The following HHIPL1 variants were observed in gnomAD, a reference collection of about 807,000 sequenced individuals.
HHIPL1 encodes the protein HHIP like 1, also known as HHIP-like protein 1.
A neutral mutation model predicts 61.8 loss-of-function variants in HHIPL1; 43 were observed. That is an observed-to-expected ratio of 0.70 (90% CI 0.55 to 0.90). HHIPL1 has a LOEUF of 0.90. Among genes scored for constraint, HHIPL1 ranks in the 40% least tolerant of loss-of-function variants. The pLI is 0.00. For missense variants in HHIPL1, 1,056 were observed against 1,157.7 expected, an observed-to-expected ratio of 0.91 and a Z score of 1.28; for synonymous variants, 482 against 515.8, an observed-to-expected ratio of 0.93 and a Z score of 0.89.
chr14:99,631,058 T>TTCTTTCTC, the HHIPL1 span, among the ~76,000 whole-genome samples: 1 of 105,336 alleles, frequency 9.5e-6, no homozygotes, highest in East Asian at 2.6e-4. Context: ...TTTTCTTTCT[T>TTCTTTCTC]TCTTTCTTTC....
intron 5 of HHIPL1, among the ~76,000 whole-genome samples, chr14:99,661,817 G>A (rs932220866): frequency 2.6e-5 from 4 of 152,142 alleles, no homozygotes; most frequent in Non-Finnish European, 4.4e-5. Context: ...GCCGAATAGG[G>A]TTCCTAAGGA....
At chr14:99,632,464 A>T in the HHIPL1 span, among the ~76,000 whole-genome samples, 2 of 152,138 alleles carry the variant, frequency 1.3e-5, no homozygotes, top group Admixed American at 1.3e-4. Context: ...TCCGCTGAGA[A>T]CATCCAGTCC....
chr14:99,661,983 C>T (rs1471694438), intron 5 of HHIPL1, among the ~76,000 whole-genome samples: 2 of 152,168 alleles, frequency 1.3e-5, no homozygotes, highest in Non-Finnish European at 2.9e-5. Context: ...CCAGCTTTCC[C>T]ATCTGGAAAA....
At chr14:99,657,718 T>C (rs12897285) in intron 3 of HHIPL1, among the ~76,000 whole-genome samples, 28,123 of 151,756 alleles carry the variant, frequency 0.19, 2,883 homozygotes, top group East Asian at 0.32. Context: ...TACACACACA[T>C]GTACACACAT....
chr14:99,615,650 A>AAG, the HHIPL1 span, among the ~76,000 whole-genome samples: 1 of 2,576 alleles, frequency 3.9e-4, no homozygotes, highest in African/African-American at 4.0e-4. Flanking sequence ...AAAGGAAGAG[A>AAG]GAGAGAGAAA....
the HHIPL1 span, among the ~76,000 whole-genome samples, chr14:99,621,905 C>T: frequency 1.3e-5 from 2 of 151,918 alleles, no homozygotes; most frequent in East Asian, 3.9e-4. Flanking sequence ...TTAGCAGAGA[C>T]TGGGTTTCAC....
Position 99,668,772 on chromosome 14 carries a change from A to C in HHIPL1, c.1730+469A>C. 1 of 1,594,950 alleles carries C rather than the reference A, an allele frequency of 6.3e-7. No homozygotes were observed. The highest frequency in any genetic ancestry group is 1.1e-5 in the South Asian group (1 of 90,596). ...CCCTTCCTCCTGTGGTCCATCTTCC[A>C]CTGGGGAAAACACATTGGGGCTCCC... On this transcript the variant is annotated intron_variant, in intron 7 of 8. Coordinates refer to ENST00000330710, the MANE Select transcript of HHIPL1 (RefSeq NM_001127258.3). The surrounding 1 kb of genome is among the most constrained non-coding windows in gnomAD (Gnocchi z 4.7).
rs1370899390 is a variant in HHIPL1, at chr14:99,668,212, C to G, written c.1649-10C>G. The G allele has an allele frequency of 2.5e-6, 4 of 1,583,554 alleles. No individual in the cohort carries two copies. In the South Asian group the frequency reaches 3.3e-5, roughly 13 times the overall value. Reference sequence around the variant, plus strand: ...TGGGGGTCTCACTAGTCACTTTGTTCTGTCCAAAGGGGAGCTGTACTTCAT... The same window carrying G: ...TGGGGGTCTCACTAGTCACTTTGTTGTGTCCAAAGGGGAGCTGTACTTCAT... On this transcript the variant is annotated splice_polypyrimidine_tract_variant and intron_variant, in intron 6 of 8. Transcript: ENST00000330710. This position sits in a 1 kb window ranked among gnomAD's most constrained non-coding sequence, Gnocchi z 4.7.
the HHIPL1 span, among the ~76,000 whole-genome samples, chr14:99,637,148 C>CAGAAAGAA: frequency 9.4e-4 from 83 of 88,054 alleles, no homozygotes; most frequent in East Asian, 3.3e-3. Context: ...GAAAGGGAGG[C>CAGAAAGAA]AGAAAGAAAG....
At chr14:99,629,950 G>T in the HHIPL1 span, among the ~76,000 whole-genome samples, 1 of 152,174 alleles carries the variant, frequency 6.6e-6, no homozygotes, top group African/African-American at 2.4e-5. Context: ...ACTGACAGGA[G>T]GCCGCTTGAC....
chr14:99,666,845 CA>C (rs2056253879), intron 6 of HHIPL1, among the ~76,000 whole-genome samples: 1 of 152,166 alleles, frequency 6.6e-6, no homozygotes, highest in African/African-American at 2.4e-5. Context: ...GTTGGGGGGT[CA>C]GGGGCCATTG....
chr14:99,672,412 C>T lies in HHIPL1; in HGVS notation c.1813+13C>T, dbSNP rs1703623993. 6.5e-7 allele frequency: 1 copy of T among 1,546,712 alleles called. No homozygotes were observed. The highest frequency in any genetic ancestry group is 1.4e-5 in the African/African-American group (1 of 73,044). ...GTGCCCAAAGAAAGTAAGTGCCTGC[C>T]AGTGGGACACTGAGGGTTGGGGGAG... On this transcript the variant is annotated intron_variant, in intron 8 of 8. Coordinates refer to ENST00000330710, the MANE Select transcript of HHIPL1 (RefSeq NM_001127258.3).
At chr14:99,627,897 A>G in the HHIPL1 span, among the ~76,000 whole-genome samples, 1 of 151,924 alleles carries the variant, frequency 6.6e-6, no homozygotes, top group African/African-American at 2.4e-5. This position sits in a 1 kb window ranked among gnomAD's most constrained non-coding sequence, Gnocchi z 4.4. Context: ...TGGGAGGAGA[A>G]GAAGGCAGGA....
At position 99,660,481 on chromosome 14, in the gene HHIPL1, G is replaced by T; in HGVS notation, c.1502+75G>T. On this transcript the variant is annotated intron_variant, in intron 5 of 8. Coordinates refer to ENST00000330710, the MANE Select transcript of HHIPL1 (RefSeq NM_001127258.3). The surrounding 1 kb of genome is among the most constrained non-coding windows in gnomAD (Gnocchi z 4.9). Reference sequence around the variant, plus strand: ...GGGACTGGCTCCTTGGTAAAGGGGAGTGTATGTGTGCGCCCGTTCCTGCAC... The same window carrying T: ...GGGACTGGCTCCTTGGTAAAGGGGATTGTATGTGTGCGCCCGTTCCTGCAC... 6.5e-7 allele frequency: 1 copy of T among 1,527,148 alleles called. No individual in the cohort carries two copies. The allele number at this position is 1,527,148 out of a possible 1,614,324, so 94.6% of individuals were successfully genotyped here. A position where few individuals can be genotyped will look rare whatever the true frequency, so the allele number is the denominator to read the frequency against.
At chr14:99,607,606 G>T in the HHIPL1 span, among the ~76,000 whole-genome samples, 2 of 152,118 alleles carry the variant, frequency 1.3e-5, no homozygotes, top group African/African-American at 4.8e-5. Context: ...GGCCTGTGGG[G>T]GGAGTACTGG....
rs556479709 is a variant in HHIPL1 at position 99,675,437 on chromosome 14, C to T, written c.2160C>T (p.Tyr720=). The T allele has an allele frequency of 7.8e-6, 12 of 1,537,176 alleles. No individual in the cohort carries two copies. The East Asian group carries it at 1.2e-4, about 16-fold the overall frequency. Residue 720 remains tyrosine (Y), a synonymous_variant, in exon 9 of 9, where the codon TAC becomes TAT. Transcript: ENST00000330710. This position sits in a 1 kb window ranked among gnomAD's most constrained non-coding sequence, Gnocchi z 5.4. ...AVVCRQLGFA[Y]AVRAVKRAEF... is the part of the protein sequence containing the mutation. The stretch of plus-strand genomic sequence containing the variant: ...TGTGTCGCCAGCTGGGGTTTGCCTA[C>T]GCCGTGCGCGCCGTCAAGAGAGCCG...
chr14:99,662,784 T>C (rs1162226038), intron 5 of HHIPL1, 92 bp from the exon 6 acceptor site: 3 of 1,208,070 alleles, frequency 2.5e-6, no homozygotes, highest in African/African-American at 3.1e-5. Context: ...GAGGAATGGA[T>C]ACATGGATGG....
the HHIPL1 span, among the ~76,000 whole-genome samples, chr14:99,621,819 G>A: frequency 7.0e-6 from 1 of 142,502 alleles, no homozygotes; most frequent in Non-Finnish European, 1.5e-5. Context: ...AGGTTCAAGC[G>A]ATTCTCCTGC....
At chr14:99,628,693 C>T in the HHIPL1 span, among the ~76,000 whole-genome samples, 1 of 152,022 alleles carries the variant, frequency 6.6e-6, no homozygotes, top group Admixed American at 6.5e-5. Flanking sequence ...CACAGGTGAC[C>T]CCAGCTTCTT....
Sources: gnomAD v4.1 joint callset for allele counts (sites outside exome capture counted in the v4.1 genomes callset) on GRCh38, gnomAD v4.1.1 for gene constraint, Gnocchi (gnomAD v3.1) non-coding constraint, MANE v1.5 for transcripts, NCBI Gene and HGNC (gene_info 2026-07-23, HGNC 2026-07-21) for gene names.